The following BIRC6 variants were observed in gnomAD, a reference collection of about 807,000 sequenced individuals.
BIRC6 encodes baculoviral IAP repeat containing 6.
BIRC6 carries 98 observed loss-of-function variants against 503.3 expected under a neutral mutation model. That is an observed-to-expected ratio of 0.19 (90% CI 0.17 to 0.23). BIRC6 has a LOEUF of 0.23. Ranked by LOEUF, BIRC6 falls within the 10% of genes least tolerant of loss-of-function variation. The pLI is 1.00. For synonymous variants in BIRC6, 2,240 were observed against 2,078.7 expected, an observed-to-expected ratio of 1.08 and a Z score of -2.11; for missense variants, 5,360 against 5,806.0, an observed-to-expected ratio of 0.92 and a Z score of 2.50.
chr2:32,419,336 A>G (rs1030139285), intron 10 of BIRC6, among the ~76,000 whole-genome samples: 3 of 152,192 alleles, frequency 2.0e-5, no homozygotes, highest in African/African-American at 4.8e-5. Context: ...TAGTTAATAT[A>G]TGTTTTAAGT....
At chr2:32,453,970 T>C (rs950856979) in intron 23 of BIRC6, 28 bp downstream of exon 23, 11 of 1,558,162 alleles carry the variant, frequency 7.1e-6, no homozygotes, top group Non-Finnish European at 9.7e-6. Flanking sequence ...TACCTTCTTT[T>C]ATTATATACT....
intron 23 of BIRC6, among the ~76,000 whole-genome samples, chr2:32,454,701 C>T (rs949735135): frequency 1.4e-4 from 21 of 152,244 alleles, no homozygotes; most frequent in African/African-American, 4.8e-4. Context: ...AAAGCAAAAA[C>T]GGTTTGCTAG....
At chr2:32,483,075 G>A (rs2050590592) in intron 39 of BIRC6, among the ~76,000 whole-genome samples, 2 of 138,170 alleles carry the variant, frequency 1.4e-5, no homozygotes, top group African/African-American at 5.5e-5. Flanking sequence ...ATGCCACCAA[G>A]CCCAGCTATT....
intron 1 of BIRC6, among the ~76,000 whole-genome samples, chr2:32,366,115 C>G (rs907323126): frequency 6.6e-6 from 1 of 152,202 alleles, no homozygotes; most frequent in Non-Finnish European, 1.5e-5. Context: ...AGGTGATCCA[C>G]CTGCTTCGGT....
chr2:32,357,440 C>A lies in BIRC6; in HGVS notation c.279C>A (p.Val93=). 1 of 1,550,228 alleles carries A rather than the reference C, an allele frequency of 6.5e-7. No homozygotes were observed. The highest frequency in any genetic ancestry group is 1.4e-5 in the African/African-American group (1 of 73,088). The change falls in exon 1 of 74, where the codon GTC becomes GTA. Residue 93 remains valine, a synonymous_variant. Coordinates refer to ENST00000421745, the MANE Select transcript of BIRC6 (RefSeq NM_016252.4). The surrounding 1 kb of genome is among the most constrained non-coding windows in gnomAD (Gnocchi z 4.9). ...LAVTSRGTIK[V]IDGTSGATLQ... ...TCACTAGCCGCGGGACCATCAAAGT[C>A]ATCGACGGCACCTCGGGGGCCACAC... is the stretch of plus-strand genomic sequence containing the variant.
intron 65 of BIRC6, chr2:32,565,627 A>G (rs943356541): frequency 6.6e-6 from 1 of 152,224 alleles, no homozygotes; most frequent in Admixed American, 6.5e-5. Flanking sequence ...TATAACAAGT[A>G]AATATAAATA....
chr2:32,549,373 C>T lies in BIRC6; in HGVS notation c.13036C>T (p.His4346Tyr). ...GGTAAATGGAGAAGCTCAGTCATCTCATGAGACTAGAGGGCAGAACAGTAA... is the reference window on the plus strand; with the variant it reads ...GGTAAATGGAGAAGCTCAGTCATCTTATGAGACTAGAGGGCAGAACAGTAA... ...SAVNGEAQSSHETRGQNSNAL... is the reference protein window; with the variant it reads ...SAVNGEAQSSYETRGQNSNAL... Residue 4346 changes from histidine (H) to tyrosine (Y), a missense_variant, in exon 65 of 74, where the codon CAT (histidine) becomes TAT (tyrosine). Coordinates refer to ENST00000421745, the MANE Select transcript of BIRC6 (RefSeq NM_016252.4). 2 of 1,509,486 alleles carry T rather than the reference C, an allele frequency of 1.3e-6. No individual in the cohort carries two copies. 93.5% of individuals were successfully genotyped at this position (1,509,486 alleles called of 1,614,324 possible).
At chr2:32,427,936 T>G (rs909226253) in intron 10 of BIRC6, among the ~76,000 whole-genome samples, 14 of 152,212 alleles carry the variant, frequency 9.2e-5, no homozygotes, top group African/African-American at 3.1e-4. Flanking sequence ...CTGTGAAATC[T>G]GAATCTGTAA....
At chr2:32,497,849 A>C (rs907801516) in intron 45 of BIRC6, among the ~76,000 whole-genome samples, 2 of 152,182 alleles carry the variant, frequency 1.3e-5, no homozygotes, top group Admixed American at 1.3e-4. Context: ...TTCTAATACA[A>C]GCATTTGACA....
chr2:32,427,739 GGTGTGTGT>G (rs367894620), intron 10 of BIRC6, among the ~76,000 whole-genome samples: 2 of 150,568 alleles, frequency 1.3e-5, no homozygotes, highest in South Asian at 4.2e-4. Flanking sequence ...GACATTTTCA[GGTGTGTGT>G]GTGTGTGTGT....
intron 61 of BIRC6, among the ~76,000 whole-genome samples, chr2:32,539,936 T>C (rs996256120): frequency 2.0e-5 from 3 of 152,060 alleles, no homozygotes; most frequent in East Asian, 1.9e-4. Context: ...ACCACACAAA[T>C]TGGACATCCA....
At chr2:32,424,278 A>C (rs1403629493) in intron 10 of BIRC6, among the ~76,000 whole-genome samples, 10 of 152,008 alleles carry the variant, frequency 6.6e-5, no homozygotes, top group Admixed American at 6.6e-4. Context: ...AACAATATAT[A>C]TACATATTGG....
chr2:32,473,325 G>T, intron 33 of BIRC6, 86 bp downstream of exon 33: 1 of 1,141,474 alleles, frequency 8.8e-7, no homozygotes, highest in Non-Finnish European at 1.2e-6. Flanking sequence ...TCAGATGTGA[G>T]GTATAACATT....
At chr2:32,544,884 GTAGA>G (rs938021287) in intron 62 of BIRC6, among the ~76,000 whole-genome samples, 31 of 151,574 alleles carry the variant, frequency 2.0e-4, no homozygotes, top group Middle Eastern at 3.4e-3. Context: ...TTTTTTTTAA[GTAGA>G]TAGAGGGGTA....
chr2:32,359,739 T>C (rs1350257969), intron 1 of BIRC6, among the ~76,000 whole-genome samples: 1 of 152,196 alleles, frequency 6.6e-6, no homozygotes, highest in Non-Finnish European at 1.5e-5. Flanking sequence ...TTGTAAAATT[T>C]ATTCGTATTT....
intron 65 of BIRC6, among the ~76,000 whole-genome samples, chr2:32,559,591 C>G (rs2059013434): frequency 6.6e-6 from 1 of 151,518 alleles, no homozygotes; most frequent in South Asian, 2.1e-4. Context: ...TTTATCCATT[C>G]TTGTTGCTTG....
chr2:32,472,007 C>G lies in BIRC6; in HGVS notation c.6592+883C>G, dbSNP rs529874212. 4.6e-5 allele frequency among the ~76,000 whole-genome samples: 7 copies of G among 152,260 alleles called. No homozygotes were observed. The South Asian group carries it at 1.2e-3, about 27-fold the overall frequency. On this transcript the variant is annotated intron_variant, in intron 32 of 73. Coordinates refer to ENST00000421745, the MANE Select transcript of BIRC6 (RefSeq NM_016252.4). ...TTGATTTTTAAAAAATAATGTATAT[C>G]TATGATTAGTTTACTCAGTTGTAGG...
intron 32 of BIRC6, among the ~76,000 whole-genome samples, chr2:32,472,667 T>TA (rs2049236444): frequency 6.6e-6 from 1 of 152,224 alleles, no homozygotes; most frequent in Non-Finnish European, 1.5e-5. Context: ...TAAGTATAGT[T>TA]AGACAGTTAT....
Position 32,433,803 on chromosome 2 carries a change from T to C in BIRC6, c.3408T>C (p.Asn1136=). 2 of 1,528,678 alleles carry C rather than the reference T, an allele frequency of 1.3e-6. No individual in the cohort carries two copies. Among genetic ancestry groups the C allele is most frequent in the Non-Finnish European group, 1.8e-6 (2 of 1,123,346 alleles). 94.7% of individuals were successfully genotyped at this position (1,528,678 alleles called of 1,614,324 possible). ...KNKAPGLGKV[N]ALNIEVEQNG... ...AAGCTCCAGGATTAGGGAAAGTCAA[T>C]GGTAAGAATGTATCAAAATTTATCT... The change falls in exon 13 of 74, where the codon AAT becomes AAC. Residue 1136 remains asparagine (N), a splice_region_variant and synonymous_variant. Coordinates refer to ENST00000421745, the MANE Select transcript of BIRC6 (RefSeq NM_016252.4).
Sources: allele counts gnomAD v4.1 joint callset (sites outside exome capture counted in the v4.1 genomes callset), GRCh38; gene constraint gnomAD v4.1.1; non-coding constraint Gnocchi (gnomAD v3.1); transcripts MANE v1.5; gene names NCBI Gene and HGNC (gene_info 2026-07-23, HGNC 2026-07-21).